The following RBFOX1 variants were observed in gnomAD, a reference collection of about 807,000 sequenced individuals.
RBFOX1 encodes the protein RNA binding protein fox-1 homolog 1.
A neutral mutation model predicts 57.7 loss-of-function variants in RBFOX1; 8 were observed. The ratio of observed to expected loss-of-function variants is 0.14; its 90% CI spans 0.08 to 0.25. RBFOX1 has a LOEUF of 0.25. RBFOX1 is among the 10% of genes least tolerant of loss of function. RBFOX1 has a pLI of 1.00. For synonymous variants in RBFOX1, 326 were observed against 222.4 expected (o/e 1.47, Z -4.15); for missense variants, 611 against 548.5 (o/e 1.11, Z -1.14).
In RBFOX1 at chr16:5,330,660, C is replaced by T. The variant is rs552818434; in HGVS notation, c.219+90555C>T. On this transcript the variant is annotated intron_variant, in intron 1 of 2. Transcript: ENST00000585867. Reference sequence around the variant, plus strand: ...CCTCAGGTGATCTGCCTGCATCTGCCTCCCAAAGTGCTGGGATTACAGGTG... The same window carrying T: ...CCTCAGGTGATCTGCCTGCATCTGCTTCCCAAAGTGCTGGGATTACAGGTG... 2.7e-4 allele frequency among the ~76,000 whole-genome samples: 41 copies of T among 151,850 alleles called. 1 individual carries two copies. The South Asian group carries it at 7.7e-3, about 29-fold the overall frequency.
intron 3 of RBFOX1, among the ~76,000 whole-genome samples, chr16:6,922,405 G>A (rs2074665158): frequency 6.6e-6 from 1 of 152,224 alleles, no homozygotes; most frequent in Admixed American, 6.5e-5. Context: ...AGCAGTGGCT[G>A]CTGGTTTTTG....
At chr16:6,898,029 T>G (rs2067394371) in intron 3 of RBFOX1, among the ~76,000 whole-genome samples, 1 of 152,048 alleles carries the variant, frequency 6.6e-6, no homozygotes, top group Non-Finnish European at 1.5e-5. Flanking sequence ...CCAGGTCAGG[T>G]TTTTCCTTTT....
chr16:7,089,483 C>T (rs1443829722), intron 4 of RBFOX1, among the ~76,000 whole-genome samples: 5 of 151,922 alleles, frequency 3.3e-5, no homozygotes, highest in Non-Finnish European at 5.9e-5. Context: ...TGGAAAGGAG[C>T]CTTTTTGGCT....
At chr16:6,117,802 T>G (rs1350862215) in intron 1 of RBFOX1, among the ~76,000 whole-genome samples, 1 of 152,232 alleles carries the variant, frequency 6.6e-6, no homozygotes, top group South Asian at 2.1e-4. Context: ...CTTTAAAATA[T>G]TTGGAAAAAA....
At position 6,465,948 on chromosome 16, in the gene RBFOX1, A is replaced by C. The variant is rs145100297; in HGVS notation, c.-64+148891A>C. On this transcript the variant is annotated intron_variant, in intron 2 of 15. Transcript: ENST00000550418. The stretch of plus-strand genomic sequence containing the variant: ...ATCCTTAGTTTAACCAAAAAGAAAG[A>C]CTGGGTGTCGTGGCTCATGCCTGTA... Among the ~76,000 whole-genome samples, 216 of 152,148 alleles carry C rather than the reference A, an allele frequency of 1.4e-3. 1 individual carries two copies. The highest frequency in any genetic ancestry group is 4.9e-3 in the African/African-American group (204 of 41,544).
intron 2 of RBFOX1, among the ~76,000 whole-genome samples, chr16:5,580,267 T>A (rs1218269909): frequency 1.3e-5 from 2 of 152,094 alleles, no homozygotes; most frequent in Admixed American, 6.5e-5. Flanking sequence ...CTCTTCTGGG[T>A]TCTGGGAGCG....
At chr16:5,498,924 A>T (rs978998241) in intron 2 of RBFOX1, among the ~76,000 whole-genome samples, 5 of 152,118 alleles carry the variant, frequency 3.3e-5, no homozygotes, top group African/African-American at 1.2e-4. Context: ...CAGAGGTACT[A>T]AGTCAGGCTC....
At chr16:7,504,141 A>G (rs2071952840) in intron 4 of RBFOX1, among the ~76,000 whole-genome samples, 1 of 152,116 alleles carries the variant, frequency 6.6e-6, no homozygotes, top group Non-Finnish European at 1.5e-5. Flanking sequence ...AAATTTCTTC[A>G]TGGAACCATC....
chr16:5,319,286 G>A (rs1199610987), intron 1 of RBFOX1, among the ~76,000 whole-genome samples: 1 of 152,208 alleles, frequency 6.6e-6, no homozygotes, highest in Non-Finnish European at 1.5e-5. Context: ...AGCTGAGAGT[G>A]GTCCCTGGCT....
At chr16:5,489,035 C>T (rs1015865755) in intron 2 of RBFOX1, among the ~76,000 whole-genome samples, 68 of 152,312 alleles carry the variant, frequency 4.5e-4, no homozygotes, top group African/African-American at 1.4e-3. Flanking sequence ...TACATAAGAA[C>T]GCCAAGGCAG....
chr16:5,695,166 GT>G (rs2050809047), intron 3 of RBFOX1, among the ~76,000 whole-genome samples: 2 of 151,994 alleles, frequency 1.3e-5, no homozygotes, highest in Admixed American at 1.3e-4. Context: ...TTTCCTTTCA[GT>G]TTTTTCACTA....
intron 3 of RBFOX1, among the ~76,000 whole-genome samples, chr16:6,902,704 A>G (rs1440974188): frequency 6.6e-6 from 1 of 152,208 alleles, no homozygotes; most frequent in African/African-American, 2.4e-5. Context: ...TCAGGGTGAC[A>G]AGTCAAGACT....
chr16:6,483,527 G>T (rs2153101007), intron 2 of RBFOX1: 1 of 1,535,668 alleles, frequency 6.5e-7, no homozygotes, highest in Non-Finnish European at 8.7e-7. Flanking sequence ...AATTGCAGTC[G>T]TGGGAGATGC....
chr16:7,029,640 A>T (rs1165847389), intron 3 of RBFOX1, among the ~76,000 whole-genome samples: 1 of 152,126 alleles, frequency 6.6e-6, no homozygotes, highest in Non-Finnish European at 1.5e-5. Flanking sequence ...AGGGTATGAG[A>T]TTTGAAATGC....
At chr16:6,648,294 C>G (rs888404191) in intron 2 of RBFOX1, among the ~76,000 whole-genome samples, 1 of 152,020 alleles carries the variant, frequency 6.6e-6, no homozygotes, top group Non-Finnish European at 1.5e-5. Flanking sequence ...CTCCTGGACT[C>G]AAACGATCCT....
chr16:6,746,761 A>G (rs909718220), intron 3 of RBFOX1, among the ~76,000 whole-genome samples: 1 of 152,160 alleles, frequency 6.6e-6, no homozygotes, highest in East Asian at 1.9e-4. Flanking sequence ...AAAGTGAAAT[A>G]TTGATACATA....
chr16:7,077,855 A>G (rs1025578579), intron 4 of RBFOX1, among the ~76,000 whole-genome samples: 1 of 152,142 alleles, frequency 6.6e-6, no homozygotes, highest in Non-Finnish European at 1.5e-5. Flanking sequence ...AATTTCTCCC[A>G]GTCCATTAGC....
chr16:5,748,116 C>G (rs574130802), intron 3 of RBFOX1, among the ~76,000 whole-genome samples: 1 of 152,182 alleles, frequency 6.6e-6, no homozygotes, highest in African/African-American at 2.4e-5. Context: ...TTATTTCTGC[C>G]TTCATTTCGT....
chr16:6,752,707 G>A (rs939175602), intron 3 of RBFOX1, among the ~76,000 whole-genome samples: 2 of 152,090 alleles, frequency 1.3e-5, no homozygotes, highest in African/African-American at 4.8e-5. Flanking sequence ...TCATGCAACA[G>A]GTGCACCTAT....
Sources: gnomAD v4.1 joint callset for allele counts (sites outside exome capture counted in the v4.1 genomes callset) on GRCh38, gnomAD v4.1.1 for gene constraint, MANE v1.5 for transcripts, NCBI Gene and HGNC (gene_info 2026-07-23, HGNC 2026-07-21) for gene names.